PLXNC1: variants seen among roughly 807,000 people sequenced by gnomAD.
PLXNC1 encodes plexin-C1.
In PLXNC1, 75 loss-of-function variants were observed where a neutral mutation model predicts 178.2. That is an observed-to-expected ratio of 0.42 (90% confidence interval 0.35 to 0.51). PLXNC1 has a LOEUF of 0.51. Ranked by LOEUF, PLXNC1 falls within the 20% of genes least tolerant of loss-of-function variation. The probability of loss-of-function intolerance (pLI) is 0.02; values close to 1 mark genes in which losing one functional copy is unlikely to be tolerated. For missense variants in PLXNC1, 1,503 were observed against 1,984.4 expected (o/e 0.76, Z 4.61); for synonymous variants, 790 against 779.9 (o/e 1.01, Z -0.22).
At chr12:94,297,690 T>C (rs1210972084) in intron 26 of PLXNC1, among the ~76,000 whole-genome samples, 1 of 152,248 alleles carries the variant, frequency 6.6e-6, no homozygotes, top group African/African-American at 2.4e-5. Flanking sequence ...CATTTCACTA[T>C]TATTGTTATT....
intron 23 of PLXNC1, among the ~76,000 whole-genome samples, chr12:94,287,272 T>C (rs1424255090): frequency 6.6e-6 from 1 of 152,218 alleles, no homozygotes; most frequent in African/African-American, 2.4e-5. Flanking sequence ...CCCGGTGCGC[T>C]TCCTTAACTG....
chr12:94,164,800 C>T (rs3847803), intron 1 of PLXNC1, among the ~76,000 whole-genome samples: 133,615 of 152,090 alleles, frequency 0.88, 58,766 homozygotes, highest in East Asian at 0.97. Flanking sequence ...CCAAACATCG[C>T]TTGAGCCAAG....
Position 94,286,616 on chromosome 12 carries a change from CAAAAAAAA to C in PLXNC1, c.3879+4234_3879+4241del, listed in dbSNP as rs61238982. On this transcript the variant is annotated intron_variant, in intron 23 of 30. Transcript: ENST00000258526. ...TTGAGTCACTGTATGTGCTTAAAAG[CAAAAAAAA>C]AAAAAAAAAAAAAAAAAATTCATTT... Among the ~76,000 whole-genome samples, 539 of 101,414 alleles carry C rather than the reference CAAAAAAAA, an allele frequency of 5.3e-3. 3 individuals are homozygous for C. The highest frequency in any genetic ancestry group is 0.035 in the East Asian group (109 of 3,104). The allele number at this position is 101,414 out of a possible 152,430, so 66.5% of individuals were successfully genotyped here.
At position 94,227,189 on chromosome 12, in the gene PLXNC1, G is replaced by A. The variant is rs1002985954; in HGVS notation, c.1934G>A (p.Gly645Glu). The A allele has an allele frequency of 1.2e-6, 2 of 1,613,376 alleles. No individual in the cohort carries two copies. Among genetic ancestry groups the A allele is most frequent in the Non-Finnish European group, 8.5e-7 (1 of 1,179,408 alleles). The change falls in exon 9 of 31, where the codon GGA becomes GAA. Residue 645 changes from glycine to glutamate, a missense_variant. Coordinates refer to ENST00000258526, the MANE Select transcript of PLXNC1 (RefSeq NM_005761.3). ...PVAVEKTSGG[G>E]RPKENKGNRT... ...GCTGTCGAGAAGACATCAGGAGGAGGAAGACCCAAGGAGAACAAGGGGAAC... is the reference window on the plus strand; with the variant it reads ...GCTGTCGAGAAGACATCAGGAGGAGAAAGACCCAAGGAGAACAAGGGGAAC...
intron 5 of PLXNC1, among the ~76,000 whole-genome samples, chr12:94,212,273 C>CAAAAAAAAAAAAAAAAAAAAAAAAAA (rs146191533): frequency 1.1e-5 from 1 of 89,158 alleles, no homozygotes. Context: ...GACTCCGTCT[C>CAAAAAAAAAAAAAAAAAAAAAAAAAA]AAAAAAAAAA....
At chr12:94,192,075 CA>C (rs1197236087) in intron 4 of PLXNC1, among the ~76,000 whole-genome samples, 2 of 152,176 alleles carry the variant, frequency 1.3e-5, no homozygotes, top group East Asian at 3.8e-4. Flanking sequence ...GTTTGGCATG[CA>C]GAATGCATTT....
chr12:94,300,715 T>C (rs1968383020), intron 27 of PLXNC1, among the ~76,000 whole-genome samples, 195 bp from the exon 28 acceptor site: 1 of 152,184 alleles, frequency 6.6e-6, no homozygotes, highest in Non-Finnish European at 1.5e-5. Context: ...ATCCTTCTTT[T>C]ACAGTAGCTC....
At chr12:94,150,648 G>A (rs1960925775) in intron 1 of PLXNC1, among the ~76,000 whole-genome samples, 1 of 152,250 alleles carries the variant, frequency 6.6e-6, no homozygotes, top group Non-Finnish European at 1.5e-5. Context: ...CGAACCCCTG[G>A]CGTGAGCCGG....
chr12:94,160,865 TAAC>T (rs1961359591), intron 1 of PLXNC1, among the ~76,000 whole-genome samples: 1 of 152,224 alleles, frequency 6.6e-6, no homozygotes, highest in Non-Finnish European at 1.5e-5. Flanking sequence ...TAATGTATCT[TAAC>T]ACATTCAATA....
intron 24 of PLXNC1, among the ~76,000 whole-genome samples, chr12:94,295,515 TTCGTGGGCCC>T (rs1967823528): frequency 6.6e-6 from 1 of 152,164 alleles, no homozygotes; most frequent in South Asian, 2.1e-4. Flanking sequence ...TTTGGATCTC[TTCGTGGGCCC>T]TCCAGTCAGT....
chr12:94,207,549 G>A (rs1436181726), intron 4 of PLXNC1, among the ~76,000 whole-genome samples: 1 of 152,146 alleles, frequency 6.6e-6, no homozygotes, highest in Non-Finnish European at 1.5e-5. Flanking sequence ...TGAAACCCTA[G>A]TATTTGCATA....
Position 94,149,116 on chromosome 12 carries a change from A to G in PLXNC1, c.145A>G (p.Ile49Val). 1.3e-6 allele frequency: 2 copies of G among 1,587,266 alleles called. No homozygotes were observed. The highest frequency in any genetic ancestry group is 1.4e-5 in the African/African-American group (1 of 72,268). Residue 49 changes from isoleucine to valine, a missense_variant, in exon 1 of 31, where the codon ATC becomes GTC. Coordinates refer to ENST00000258526, the MANE Select transcript of PLXNC1 (RefSeq NM_005761.3). ...VWRSEQAIGAIAASQEDGVFV... is the reference protein window; with the variant it reads ...VWRSEQAIGAVAASQEDGVFV... ...GCGGTCGGAGCAAGCCATCGGAGCC[A>G]TCGCGGCGAGCCAGGAGGACGGCGT...
chr12:94,268,469 G>A (rs978141288), intron 21 of PLXNC1, among the ~76,000 whole-genome samples: 6 of 152,108 alleles, frequency 3.9e-5, no homozygotes, highest in Non-Finnish European at 7.4e-5. Flanking sequence ...GAGACAGAAT[G>A]CCCTGATATC....
intron 21 of PLXNC1, among the ~76,000 whole-genome samples, chr12:94,271,412 G>A (rs1965561029): frequency 6.6e-6 from 1 of 152,220 alleles, no homozygotes; most frequent in African/African-American, 2.4e-5. Flanking sequence ...CCAGCCCCCT[G>A]CAGCCTTATC....
At chr12:94,303,734 T>G in intron 28 of PLXNC1, 22 bp from the exon 29 acceptor site, 63 of 750,938 alleles carry the variant, frequency 8.4e-5, no homozygotes, top group Non-Finnish European at 9.0e-5. Flanking sequence ...GATGGTTGCT[T>G]TTTTTTTTTT....
chr12:94,221,792 G>A (rs1963804002), intron 6 of PLXNC1, among the ~76,000 whole-genome samples: 1 of 152,162 alleles, frequency 6.6e-6, no homozygotes, highest in Non-Finnish European at 1.5e-5. Context: ...ACATACAGAA[G>A]GGGCAGGGGA....
intron 3 of PLXNC1, among the ~76,000 whole-genome samples, chr12:94,185,627 T>G (rs1962480079): frequency 6.6e-6 from 1 of 152,186 alleles, no homozygotes; most frequent in Non-Finnish European, 1.5e-5. Flanking sequence ...ATGATTTGAC[T>G]ACTCCCCCTG....
chr12:94,301,990 TC>T (rs1452189189), intron 28 of PLXNC1, among the ~76,000 whole-genome samples: 1 of 152,160 alleles, frequency 6.6e-6, no homozygotes, highest in East Asian at 1.9e-4. Flanking sequence ...CTTCATCCCG[TC>T]CCTACTGGGA....
chr12:94,181,007 A>G (rs1197076595), intron 2 of PLXNC1, among the ~76,000 whole-genome samples: 2 of 152,096 alleles, frequency 1.3e-5, no homozygotes, highest in African/African-American at 4.8e-5. Context: ...ATGTGGGAGG[A>G]TGATTAAGGA....
Sources: allele counts gnomAD v4.1 joint callset (sites outside exome capture counted in the v4.1 genomes callset), GRCh38; gene constraint gnomAD v4.1.1; transcripts MANE v1.5; gene names NCBI Gene and HGNC (gene_info 2026-07-23, HGNC 2026-07-21).